The following THSD4 variants were observed in gnomAD, a reference collection of about 807,000 sequenced individuals.
The protein encoded by THSD4 is thrombospondin type-1 domain-containing protein 4.
A neutral mutation model predicts 119.0 loss-of-function variants in THSD4; 69 were observed. The ratio of observed to expected loss-of-function variants is 0.58; its 90% CI spans 0.48 to 0.71. The LOEUF (loss-of-function observed/expected upper bound fraction) is 0.71. Among genes scored for constraint, THSD4 ranks in the 30% least tolerant of loss-of-function variants. THSD4 has a pLI of 0.00. For missense variants in THSD4, 1,393 were observed against 1,391.1 expected (o/e 1.00, Z -0.02); for synonymous variants, 524 against 540.4 (o/e 0.97, Z 0.42).
intron 6 of THSD4, among the ~76,000 whole-genome samples, chr15:71,313,282 G>A (rs2045137916): frequency 6.6e-6 from 1 of 152,142 alleles, no homozygotes; most frequent in Non-Finnish European, 1.5e-5. Context: ...CATTCTGTGT[G>A]TGTACATGCA....
chr15:71,720,043 T>TTTC (rs2052690434), intron 8 of THSD4, among the ~76,000 whole-genome samples: 2 of 146,612 alleles, frequency 1.4e-5, no homozygotes, highest in South Asian at 2.2e-4. Flanking sequence ...TTTCTTTTTT[T>TTTC]TTTTTTTTTG....
chr15:71,744,731 T>C (rs574732323), intron 11 of THSD4, among the ~76,000 whole-genome samples: 2 of 152,338 alleles, frequency 1.3e-5, no homozygotes, highest in East Asian at 1.9e-4. Context: ...CAGAGAACTT[T>C]AGAAAAGTTA....
rs2046741226 is a variant in THSD4 at position 71,415,066 on chromosome 15, G to A, written c.1152+3243G>A. 7.2e-5 allele frequency among the ~76,000 whole-genome samples: 11 copies of A among 152,332 alleles called. 1 individual carries two copies. In the South Asian group the frequency reaches 2.3e-3, roughly 32 times the overall value. ...GATTTCTCTACTTCTCTGACTTGTGGCTGAGAAAGCTGTCACTTGCAGACA... is the reference window on the plus strand; with the variant it reads ...GATTTCTCTACTTCTCTGACTTGTGACTGAGAAAGCTGTCACTTGCAGACA... On this transcript the variant is annotated intron_variant, in intron 7 of 17. Transcript: ENST00000261862.
Position 71,594,211 on chromosome 15 carries a change from C to CT in THSD4, c.1153-66305dup, listed in dbSNP as rs553999282. On this transcript the variant is annotated intron_variant, in intron 7 of 17. Transcript: ENST00000261862. ...GTCTGTTCCCAAGCCTGGATGAATCCTTTTTTTTTTTTTTCCTGAGATAAA... is the reference window on the plus strand; with the variant it reads ...GTCTGTTCCCAAGCCTGGATGAATCCTTTTTTTTTTTTTTTCCTGAGATAAA... Among the ~76,000 whole-genome samples the CT allele has an allele frequency of 8.2e-3, 1,174 of 142,450 alleles. 18 individuals carry two copies. Among genetic ancestry groups the CT allele is most frequent in the South Asian group, 0.055 (242 of 4,410 alleles). 93.5% of individuals were successfully genotyped at this position (142,450 alleles called of 152,430 possible).
rs115311670 is a variant in THSD4, at chr15:71,374,913, C to T, written c.1016-36774C>T. Among the ~76,000 whole-genome samples, 824 of 152,246 alleles carry T rather than the reference C, an allele frequency of 5.4e-3. 2 individuals are homozygous for T. Among genetic ancestry groups the T allele is most frequent in the African/African-American group, 0.019 (785 of 41,538 alleles). Reference sequence around the variant, plus strand: ...GACGTGCTGCTTGGTAAAAGTGAGCCTCCCAGACTAAGAAAGGGTGTACTG... The same window carrying T: ...GACGTGCTGCTTGGTAAAAGTGAGCTTCCCAGACTAAGAAAGGGTGTACTG... On this transcript the variant is annotated intron_variant, in intron 6 of 17. Coordinates refer to ENST00000261862, the MANE Select transcript of THSD4 (RefSeq NM_024817.3).
chr15:71,728,575 A>G lies in THSD4; in HGVS notation c.1384A>G (p.Ile462Val). The change falls in exon 9 of 18, where the codon ATC becomes GTC. Residue 462 changes from isoleucine (I) to valine (V), a missense_variant. Transcript: ENST00000261862. The part of the protein sequence containing the change: ...LALRSRSGRS[I>V]INGNWAIDRP... ...CCTGAGAAGTCGTTCTGGACGCTCC[A>G]TCATCAATGGGAACTGGGCAATTGA... is the stretch of plus-strand genomic sequence containing the variant. The G allele has an allele frequency of 1.2e-6, 2 of 1,614,216 alleles. No homozygotes were observed. The highest frequency in any genetic ancestry group is 1.7e-6 in the Non-Finnish European group (2 of 1,180,036).
chr15:71,226,932 T>A (rs2044022233), intron 4 of THSD4, among the ~76,000 whole-genome samples: 2 of 152,244 alleles, frequency 1.3e-5, no homozygotes, highest in Non-Finnish European at 2.9e-5. Context: ...TGTGTGTTTT[T>A]TTTTACCTTC....
chr15:71,660,471 C>CG, intron 7 of THSD4, 59 bp from the exon 8 acceptor site: 24 of 1,600,788 alleles, frequency 1.5e-5, no homozygotes, highest in Non-Finnish European at 2.1e-5. Flanking sequence ...CTTCTCCCTT[C>CG]CTTCCTCTGC....
At position 71,622,011 on chromosome 15, in the gene THSD4, C is replaced by G. The variant is rs55851787; in HGVS notation, c.1153-38519C>G. 4.2e-3 allele frequency among the ~76,000 whole-genome samples: 642 copies of G among 152,218 alleles called. 4 individuals are homozygous for G. The highest frequency in any genetic ancestry group is 0.024 in the Middle Eastern group (7 of 294). The stretch of plus-strand genomic sequence containing the variant: ...GACTGAGAATCGAAGTGATTTTGAA[C>G]CTGTCTCAGGAATGAGGCCCAGAGG... On this transcript the variant is annotated intron_variant, in intron 7 of 17. Transcript: ENST00000261862.
intron 7 of THSD4, among the ~76,000 whole-genome samples, chr15:71,624,786 C>CTCTG (rs2050478840): frequency 6.6e-6 from 1 of 152,152 alleles, no homozygotes; most frequent in Non-Finnish European, 1.5e-5. Context: ...ACCCTGTCAG[C>CTCTG]CTTGCCTGCA....
At chr15:71,335,806 C>G (rs1461089817) in intron 6 of THSD4, among the ~76,000 whole-genome samples, 2 of 152,092 alleles carry the variant, frequency 1.3e-5, no homozygotes, top group South Asian at 2.1e-4. Flanking sequence ...GAGGGCTTCT[C>G]CACATCTGCA....
intron 8 of THSD4, among the ~76,000 whole-genome samples, chr15:71,722,561 C>A (rs1287179072): frequency 1.3e-5 from 2 of 152,120 alleles, no homozygotes; most frequent in Non-Finnish European, 2.9e-5. Context: ...TACCTCAATT[C>A]TGCATTTTTG....
rs79794914 is a variant in THSD4, at chr15:71,300,368, C to A, written c.1015+43653C>A. On this transcript the variant is annotated intron_variant, in intron 6 of 17. Transcript: ENST00000261862. ...ACTTGCAACCATTTACAGAGCCCTCCTTGGAAGGAGTTCTGGAAAATAGTA... is the reference window on the plus strand; with the variant it reads ...ACTTGCAACCATTTACAGAGCCCTCATTGGAAGGAGTTCTGGAAAATAGTA... 1.7e-3 allele frequency among the ~76,000 whole-genome samples: 254 copies of A among 152,176 alleles called. 1 individual carries two copies. The highest frequency in any genetic ancestry group is 6.0e-3 in the African/African-American group (247 of 41,498).
At chr15:71,393,155 C>T (rs1460748691) in intron 6 of THSD4, among the ~76,000 whole-genome samples, 10 of 151,346 alleles carry the variant, frequency 6.6e-5, no homozygotes, top group African/African-American at 2.4e-4. Context: ...ATGCCCCCTG[C>T]GTTCAGTTCC....
intron 7 of THSD4, among the ~76,000 whole-genome samples, chr15:71,615,171 G>A (rs2050299496): frequency 6.6e-6 from 1 of 152,100 alleles, no homozygotes; most frequent in African/African-American, 2.4e-5. Flanking sequence ...CTCTACTTCT[G>A]CCCACAGACT....
chr15:71,536,751 A>C (rs1233155244), intron 7 of THSD4, among the ~76,000 whole-genome samples: 1 of 152,146 alleles, frequency 6.6e-6, no homozygotes, highest in African/African-American at 2.4e-5. Flanking sequence ...ATTATTATTA[A>C]TTATAGTGAC....
At chr15:71,612,311 A>G (rs370457642) in intron 7 of THSD4, among the ~76,000 whole-genome samples, 5 of 152,326 alleles carry the variant, frequency 3.3e-5, no homozygotes, top group African/African-American at 4.8e-5. Flanking sequence ...AATTTCAACA[A>G]TCACCCCCCG....
At chr15:71,659,448 C>G (rs2051256733) in intron 7 of THSD4, among the ~76,000 whole-genome samples, 2 of 152,142 alleles carry the variant, frequency 1.3e-5, no homozygotes, top group African/African-American at 4.8e-5. Flanking sequence ...AAAATAGGGC[C>G]TGCTCTGTTG....
chr15:71,650,146 G>A (rs753366601), intron 7 of THSD4, among the ~76,000 whole-genome samples: 19 of 152,152 alleles, frequency 1.2e-4, no homozygotes, highest in African/African-American at 2.2e-4. Flanking sequence ...TCCACCTGCC[G>A]TCTGTTTGTG....
Sources: allele counts gnomAD v4.1 joint callset (sites outside exome capture counted in the v4.1 genomes callset), GRCh38; gene constraint gnomAD v4.1.1; transcripts MANE v1.5; gene names NCBI Gene and HGNC (gene_info 2026-07-23, HGNC 2026-07-21).